THSD4: variants seen among roughly 807,000 people sequenced by gnomAD.
The protein encoded by THSD4 is thrombospondin type 1 domain containing 4.
In THSD4, 69 loss-of-function variants were observed where a neutral mutation model predicts 119.0. The observed-to-expected ratio is 0.58, with a 90% CI of 0.48 to 0.71. THSD4 has a LOEUF of 0.71. Ranked by LOEUF, THSD4 falls within the 30% of genes least tolerant of loss-of-function variation. The probability of loss-of-function intolerance (pLI) is 0.00; values close to 1 mark genes in which losing one functional copy is unlikely to be tolerated. For synonymous variants in THSD4, 524 were observed against 540.4 expected, an observed-to-expected ratio of 0.97 and a Z score of 0.42; for missense variants, 1,393 against 1,391.1, an observed-to-expected ratio of 1.00 and a Z score of -0.02.
chr15:71,687,341 C>A (rs1206941742), intron 8 of THSD4, among the ~76,000 whole-genome samples: 1 of 152,074 alleles, frequency 6.6e-6, no homozygotes, highest in African/African-American at 2.4e-5. Context: ...GCTGTTAGGA[C>A]CAGGAAGCTA....
At chr15:71,667,871 C>A (rs2051446656) in intron 8 of THSD4, among the ~76,000 whole-genome samples, 1 of 152,168 alleles carries the variant, frequency 6.6e-6, no homozygotes, top group South Asian at 2.1e-4. Context: ...AGGTAAATAA[C>A]CACTGTTCAC....
At chr15:71,361,145 C>CT (rs2045887653) in intron 6 of THSD4, among the ~76,000 whole-genome samples, 1 of 152,146 alleles carries the variant, frequency 6.6e-6, no homozygotes, top group Non-Finnish European at 1.5e-5. Context: ...GGGTATCCTA[C>CT]TGAGGGATCT....
intron 5 of THSD4, among the ~76,000 whole-genome samples, chr15:71,252,866 T>TATCATC (rs56093539): frequency 0.065 from 9,878 of 151,222 alleles, 1,035 homozygotes; most frequent in African/African-American, 0.22. Context: ...AAAAGTTAGG[T>TATCATC]ATCATCATCA....
chr15:71,433,127 T>C (rs2046963922), intron 7 of THSD4, among the ~76,000 whole-genome samples: 1 of 151,760 alleles, frequency 6.6e-6, no homozygotes, highest in Non-Finnish European at 1.5e-5. Flanking sequence ...AACAGTTTTT[T>C]AATGTGGAAG....
At chr15:71,377,914 A>ACATCT (rs57687864) in intron 6 of THSD4, among the ~76,000 whole-genome samples, 8 of 146,148 alleles carry the variant, frequency 5.5e-5, no homozygotes, top group African/African-American at 2.0e-4. Flanking sequence ...ACACACACAC[A>ACATCT]ATTTCCTTCA....
intron 7 of THSD4, among the ~76,000 whole-genome samples, chr15:71,503,583 G>A (rs1233732837): frequency 1.3e-5 from 2 of 152,142 alleles, no homozygotes; most frequent in African/African-American, 4.8e-5. Context: ...TGCTGAGAAA[G>A]CCTTGACTAG....
intron 1 of THSD4, among the ~76,000 whole-genome samples, chr15:71,138,970 T>TCCCCC (rs1323152943): frequency 8.5e-5 from 12 of 140,882 alleles, no homozygotes; most frequent in African/African-American, 3.7e-4. Context: ...ACAAACAGTA[T>TCCCCC]CCCTCCCCCC....
Position 71,737,751 on chromosome 15 carries a change from G to C in THSD4, c.1650G>C (p.Gln550His). Residue 550 changes from glutamine to histidine, a missense_variant, in exon 11 of 18, where the codon CAG becomes CAC. By Grantham distance (24) the Gln-to-His change is conservative. Coordinates refer to ENST00000261862, the MANE Select transcript of THSD4 (RefSeq NM_024817.3). ...TCCTAGGGGAACCCTTCAATGGCCA[G>C]ATGGTGACAGAAGGCAGGAGCCAGG... The part of the protein sequence containing the change: ...HRRPGEPFNG[Q>H]MVTEGRSQEE... 6.2e-7 allele frequency: 1 copy of C among 1,612,260 alleles called. No homozygotes were observed. Among genetic ancestry groups the C allele is most frequent in the Non-Finnish European group, 8.5e-7 (1 of 1,179,032 alleles).
rs749339541 is a variant in THSD4 at position 71,695,509 on chromosome 15, T to TGTGC, written c.1358-33037_1358-33036insCGTG. On this transcript the variant is annotated intron_variant, in intron 8 of 17. Transcript: ENST00000261862. The stretch of plus-strand genomic sequence containing the variant: ...AAATATTTGTGTGTGTGCATGTGTG[T>TGTGC]GTGTGTGTGTGTGTGTGTGTGTGTT... Among the ~76,000 whole-genome samples the TGTGC allele has an allele frequency of 2.5e-4, 38 of 151,130 alleles. No individual in the cohort carries two copies. In the South Asian group the frequency reaches 7.5e-3, roughly 30 times the overall value.
At chr15:71,112,008 C>T, upstream of THSD4, 16 of 1,213,274 alleles carry the variant, frequency 1.3e-5, no homozygotes, top group Non-Finnish European at 1.7e-5. Context: ...AGTTTCCCCC[C>T]AAAGGGTCCA....
chr15:71,654,732 A>G (rs2051155858), intron 7 of THSD4, among the ~76,000 whole-genome samples: 1 of 152,250 alleles, frequency 6.6e-6, no homozygotes, highest in African/African-American at 2.4e-5. Flanking sequence ...GGTGTCAGCT[A>G]CTAATCATTT....
chr15:71,097,301 A>G (rs1168288041), intron 1 of THSD4, among the ~76,000 whole-genome samples: 1 of 152,130 alleles, frequency 6.6e-6, no homozygotes, highest in Admixed American at 6.6e-5. Flanking sequence ...ACGGTGGTTG[A>G]CGCCTGTAAT....
At chr15:71,658,552 T>TA (rs1206535070) in intron 7 of THSD4, among the ~76,000 whole-genome samples, 1 of 152,230 alleles carries the variant, frequency 6.6e-6, no homozygotes, top group Non-Finnish European at 1.5e-5. Context: ...CTTGCCTTGA[T>TA]AACATGGGTT....
intron 7 of THSD4, among the ~76,000 whole-genome samples, chr15:71,531,746 G>C (rs1595862674): frequency 6.6e-6 from 1 of 152,202 alleles, no homozygotes; most frequent in Admixed American, 6.5e-5. Context: ...GCAGGGAGAG[G>C]TAACACTACA....
At chr15:71,380,182 G>C (rs1169560331) in intron 6 of THSD4, among the ~76,000 whole-genome samples, 3 of 152,078 alleles carry the variant, frequency 2.0e-5, no homozygotes, top group Non-Finnish European at 4.4e-5. Context: ...CAAGTACAGA[G>C]GCTTTCTCAA....
At chr15:71,374,284 C>T (rs111871191) in intron 6 of THSD4, among the ~76,000 whole-genome samples, 8 of 152,188 alleles carry the variant, frequency 5.3e-5, no homozygotes, top group African/African-American at 1.7e-4. Context: ...ACCATGAAGT[C>T]GATATCTTCA....
chr15:71,289,190 G>T (rs557681718), intron 6 of THSD4, among the ~76,000 whole-genome samples: 1 of 152,096 alleles, frequency 6.6e-6, no homozygotes, highest in South Asian at 2.1e-4. Context: ...CTGCCACCCT[G>T]GGGCTCCCTG....
chr15:71,298,957 G>C (rs1255399927), intron 6 of THSD4, among the ~76,000 whole-genome samples: 1 of 152,178 alleles, frequency 6.6e-6, no homozygotes, highest in Admixed American at 6.5e-5. Flanking sequence ...TGGAGAAGCA[G>C]AACCTTTGTT....
At chr15:71,410,026 G>A (rs1048625236) in intron 6 of THSD4, among the ~76,000 whole-genome samples, 1 of 151,968 alleles carries the variant, frequency 6.6e-6, no homozygotes, top group South Asian at 2.1e-4. Context: ...GTTCCTTGTA[G>A]CAGTAATTAA....
Sources: gnomAD v4.1 joint callset for allele counts (sites outside exome capture counted in the v4.1 genomes callset) on GRCh38, gnomAD v4.1.1 for gene constraint, MANE v1.5 for transcripts, NCBI Gene and HGNC (gene_info 2026-07-23, HGNC 2026-07-21) for gene names.